The following REXO1 variants were observed in gnomAD, a reference collection of about 807,000 sequenced individuals.
REXO1 encodes the protein REX1, RNA exonuclease 1 homolog.
REXO1 carries 42 observed loss-of-function variants against 102.6 expected under a neutral mutation model. The ratio of observed to expected loss-of-function variants is 0.41; its 90% CI spans 0.32 to 0.53. The LOEUF (loss-of-function observed/expected upper bound fraction) is 0.53. REXO1 is among the 20% of genes least tolerant of loss of function. The pLI is 0.27. For synonymous variants in REXO1, 908 were observed against 779.1 expected, an observed-to-expected ratio of 1.17 and a Z score of -2.76; for missense variants, 1,819 against 1,732.5, an observed-to-expected ratio of 1.05 and a Z score of -0.89.
In REXO1 at chr19:1,826,822, C is replaced by A. The variant is rs1184668143; in HGVS notation, c.1911+56G>T. ...ACCACTCCAGATAGAAGGTCTCTCACCAGGCCCTCGGCTCTGCCTCTGCCC... is the reference window on the plus strand; with the variant it reads ...ACCACTCCAGATAGAAGGTCTCTCAACAGGCCCTCGGCTCTGCCTCTGCCC... On this transcript the variant is annotated intron_variant, in intron 2 of 15. Transcript: ENST00000170168. The surrounding 1 kb of genome is among the most constrained non-coding windows in gnomAD (Gnocchi z 4.3). 24 of 1,537,436 alleles carry A rather than the reference C, an allele frequency of 1.6e-5. No individual in the cohort carries two copies. In the East Asian group the frequency reaches 4.6e-4, roughly 30 times the overall value.
At chr19:1,843,296 C>T (rs1040154416) in intron 1 of REXO1, among the ~76,000 whole-genome samples, 4 of 149,488 alleles carry the variant, frequency 2.7e-5, no homozygotes, top group African/African-American at 9.9e-5. Context: ...CCCAGAGCCA[C>T]AGCTGGGCAA....
In REXO1 at chr19:1,827,569, G is replaced by C. The variant is rs199821048; in HGVS notation, c.1220C>G (p.Pro407Arg). 138 of 1,594,526 alleles carry C rather than the reference G, an allele frequency of 8.7e-5. 1 individual carries two copies. The highest frequency in any genetic ancestry group is 2.1e-5 in the Non-Finnish European group (25 of 1,176,484). ...DKTKDKGRGR[P>R]VEKPRADKKG... The stretch of plus-strand genomic sequence containing the variant: ...CTTGTCCGCACGGGGCTTCTCCACA[G>C]GCCGCCCTCGGCCCTTGTCCTTGGT... Residue 407 changes from proline (P) to arginine (R), a missense_variant, in exon 2 of 16, where the codon CCT becomes CGT. Physicochemically the swap from Pro to Arg is moderately radical, Grantham distance 103. Coordinates refer to ENST00000170168, the MANE Select transcript of REXO1 (RefSeq NM_020695.4).
At position 1,827,151 on chromosome 19, in the gene REXO1, G is replaced by A. The variant is rs1353767134; in HGVS notation, c.1638C>T (p.Leu546=). 3.2e-6 allele frequency: 5 copies of A among 1,542,078 alleles called. No individual in the cohort carries two copies. The South Asian group carries it at 6.0e-5, about 18-fold the overall frequency. ...CTGAGTCGGAGTCTGAGTCCGAGCT[G>A]AGGCTGGGGAGGGCAGAGGGCCACA... ...PSVWPSALPS[L]SSDSDSDSDS... Residue 546 remains leucine, a synonymous_variant, in exon 2 of 16, where the codon CTC becomes CTT. Coordinates refer to ENST00000170168, the MANE Select transcript of REXO1 (RefSeq NM_020695.4).
rs773796676 is a variant in REXO1, at chr19:1,828,039, G to A, written c.750C>T (p.Ser250=). The A allele has an allele frequency of 3.6e-5, 58 of 1,612,850 alleles. No individual in the cohort carries two copies. Among genetic ancestry groups the A allele is most frequent in the Non-Finnish European group, 4.5e-5 (53 of 1,179,768 alleles). The change falls in exon 2 of 16, where the codon TCC becomes TCT. Residue 250 remains serine (S), a synonymous_variant. Coordinates refer to ENST00000170168, the MANE Select transcript of REXO1 (RefSeq NM_020695.4). ...YSARHLSRAS[S]RDERAAKRPR... ...GCCGCTTGGCGGCCCGCTCATCCCG[G>A]GAGCTGGCCCTGCTGAGGTGCCGGG...
rs372192917 is a variant in REXO1 at position 1,816,780 on chromosome 19, C to T, written c.3235G>A (p.Val1079Ile). Reference sequence around the variant, plus strand: ...TGCACGTCCGTGTCGACCACCGTGACGCGCGTCAGCTCCAGGCCATATGTG... The same window carrying T: ...TGCACGTCCGTGTCGACCACCGTGATGCGCGTCAGCTCCAGGCCATATGTG... ...YTTYGLELTR[V>I]TVVDTDVHVV... The change falls in exon 13 of 16, where the codon GTC becomes ATC. Residue 1079 changes from valine (V) to isoleucine (I), a missense_variant. By Grantham distance (29) the Val-to-Ile change is conservative. Coordinates refer to ENST00000170168, the MANE Select transcript of REXO1 (RefSeq NM_020695.4). 7 of 1,612,820 alleles carry T rather than the reference C, an allele frequency of 4.3e-6. No individual in the cohort carries two copies. Among genetic ancestry groups the T allele is most frequent in the African/African-American group, 2.7e-5 (2 of 74,862 alleles).
chr19:1,821,215 G>A (rs1201450489), intron 5 of REXO1, among the ~76,000 whole-genome samples: 5 of 151,390 alleles, frequency 3.3e-5, no homozygotes, highest in Non-Finnish European at 7.4e-5. Flanking sequence ...CGTGGTGGCG[G>A]GCGCCTGTAG....
intron 1 of REXO1, among the ~76,000 whole-genome samples, chr19:1,831,861 A>G (rs2069912960): frequency 1.8e-5 from 1 of 56,406 alleles, no homozygotes; most frequent in Non-Finnish European, 6.7e-5. Context: ...AAAAAAAAAA[A>G]AAAAAAGAAA....
intron 10 of REXO1, 57 bp downstream of exon 10, chr19:1,818,425 G>A (rs2069433618): frequency 7.4e-7 from 1 of 1,350,140 alleles, no homozygotes. Context: ...CCTCAAGGGA[G>A]GGCCCAGGTT....
At chr19:1,818,631 C>G (rs775916033) in intron 9 of REXO1, 36 bp from the exon 10 acceptor site, 1 of 1,607,178 alleles carries the variant, frequency 6.2e-7, no homozygotes, top group Non-Finnish European at 8.5e-7. Flanking sequence ...CTGAGGCTCA[C>G]GCTGGGGCCC....
At chr19:1,841,667 C>G (rs949090321) in intron 1 of REXO1, among the ~76,000 whole-genome samples, 10 of 152,224 alleles carry the variant, frequency 6.6e-5, no homozygotes, top group African/African-American at 2.4e-4. Context: ...GGCACCTGAA[C>G]CTCCAGTCTG....
intron 3 of REXO1, among the ~76,000 whole-genome samples, chr19:1,824,776 A>G (rs2069658182): frequency 8.2e-6 from 1 of 121,314 alleles, no homozygotes; most frequent in Non-Finnish European, 1.7e-5. Context: ...TTATGAATGG[A>G]TAACTCATTT....
Position 1,817,843 on chromosome 19 carries a change from C to T in REXO1, c.3017-63G>A, listed in dbSNP as rs1016141008. The T allele has an allele frequency of 1.3e-5, 18 of 1,343,848 alleles. No homozygotes were observed. The Admixed American group carries it at 1.9e-4, about 14-fold the overall frequency. The allele number at this position is 1,343,848 out of a possible 1,614,324, so 83.2% of individuals were successfully genotyped here. A position where few individuals can be genotyped will look rare whatever the true frequency, so the allele number is the denominator to read the frequency against. On this transcript the variant is annotated intron_variant, in intron 10 of 15. Coordinates refer to ENST00000170168, the MANE Select transcript of REXO1 (RefSeq NM_020695.4). ...GGCCCACTCCACAGCCCCCGGGGCA[C>T]TGACCACCTGCATCTACCGAGCCCT...
chr19:1,821,860 G>C (rs1476449360), intron 4 of REXO1, 178 bp from the exon 5 acceptor site: 5 of 622,210 alleles, frequency 8.0e-6, no homozygotes, highest in Non-Finnish European at 1.4e-5. Flanking sequence ...CTGCCTTCAG[G>C]CAAGTCCATC....
Position 1,826,077 on chromosome 19 carries a change from G to GACTGTTGGCCCTGAGC in REXO1, c.1912-135_1912-134insGCTCAGGGCCAACAGT. On this transcript the variant is annotated intron_variant, in intron 2 of 15. Coordinates refer to ENST00000170168, the MANE Select transcript of REXO1 (RefSeq NM_020695.4). This position sits in a 1 kb window ranked among gnomAD's most constrained non-coding sequence, Gnocchi z 4.3. ...CAGGCACAGCAGCTGAGGGCTCAGGGCCAACAGTCCCTGGGCTTTGTGTGG... is the reference window on the plus strand; with the variant it reads ...CAGGCACAGCAGCTGAGGGCTCAGGGACTGTTGGCCCTGAGCCCAACAGTCCCTGGGCTTTGTGTGG... 1.5e-6 allele frequency: 1 copy of GACTGTTGGCCCTGAGC among 653,718 alleles called. No individual in the cohort carries two copies. Among genetic ancestry groups the GACTGTTGGCCCTGAGC allele is most frequent in the Non-Finnish European group, 2.8e-6 (1 of 359,020 alleles). 40.5% of individuals were successfully genotyped at this position (653,718 alleles called of 1,614,324 possible).
At chr19:1,820,832 A>G (rs544704317) in intron 5 of REXO1, among the ~76,000 whole-genome samples, 8 of 152,102 alleles carry the variant, frequency 5.3e-5, no homozygotes, top group African/African-American at 1.9e-4. Context: ...GTCTCTACAA[A>G]ATAAAAAACA....
chr19:1,836,312 C>T (rs1034475524), intron 1 of REXO1, among the ~76,000 whole-genome samples: 2 of 152,186 alleles, frequency 1.3e-5, no homozygotes, highest in South Asian at 2.1e-4. Context: ...TAGTGAGACC[C>T]GTCCAAACTC....
intron 1 of REXO1, among the ~76,000 whole-genome samples, chr19:1,836,919 G>A (rs1238656711): frequency 2.0e-5 from 3 of 152,150 alleles, no homozygotes; most frequent in Non-Finnish European, 4.4e-5. Context: ...ACCCCAGATG[G>A]AAACAGACAG....
chr19:1,816,403 C>A lies in REXO1; in HGVS notation c.3456+28G>T, dbSNP rs759411055. On this transcript the variant is annotated intron_variant, in intron 14 of 15. Coordinates refer to ENST00000170168, the MANE Select transcript of REXO1 (RefSeq NM_020695.4). Reference sequence around the variant, plus strand: ...GGCCTGCGCAGGTCCTGCTGGAGAACCGCGCGGGACCCGGGCCGGCAGGGC... The same window carrying A: ...GGCCTGCGCAGGTCCTGCTGGAGAAACGCGCGGGACCCGGGCCGGCAGGGC... 6.2e-6 allele frequency: 10 copies of A among 1,603,348 alleles called. No individual in the cohort carries two copies. The Admixed American group carries it at 1.2e-4, about 19-fold the overall frequency.
chr19:1,820,595 C>T (rs1421064624), intron 5 of REXO1, among the ~76,000 whole-genome samples, 200 bp from the exon 6 acceptor site: 3 of 152,194 alleles, frequency 2.0e-5, no homozygotes, highest in Admixed American at 2.0e-4. Flanking sequence ...GAACTAAGGT[C>T]ATGGGAAACT....
Sources: gnomAD v4.1 joint callset for allele counts (sites outside exome capture counted in the v4.1 genomes callset) on GRCh38, gnomAD v4.1.1 for gene constraint, Gnocchi (gnomAD v3.1) non-coding constraint, MANE v1.5 for transcripts, NCBI Gene and HGNC (gene_info 2026-07-23, HGNC 2026-07-21) for gene names.